The following SNX18 variants were observed in gnomAD, a reference collection of about 807,000 sequenced individuals.
The protein encoded by SNX18 is sorting nexin-18.
A neutral mutation model predicts 48.7 loss-of-function variants in SNX18; 35 were observed. That is an observed-to-expected ratio of 0.72 (90% confidence interval 0.55 to 0.95). SNX18 has a LOEUF of 0.95. SNX18 is among the 40% of genes least tolerant of loss of function. The pLI is 0.00. For missense variants in SNX18, 824 were observed against 871.0 expected, an observed-to-expected ratio of 0.95 and a Z score of 0.68; for synonymous variants, 492 against 384.7, an observed-to-expected ratio of 1.28 and a Z score of -3.26.
At chr5:54,606,252 T>G in the SNX18 span, among the ~76,000 whole-genome samples, 1 of 152,256 alleles carries the variant, frequency 6.6e-6, no homozygotes, top group Non-Finnish European at 1.5e-5. Context: ...TGTGAATGAC[T>G]GAATTGTAAA....
chr5:54,519,448 C>T lies in SNX18; in HGVS notation c.1496C>T (p.Ala499Val), dbSNP rs376723402. The change falls in exon 1 of 2, where the codon GCC becomes GTC. Residue 499 changes from alanine (A) to valine (V), a missense_variant. Ala to Val is a moderately conservative substitution (Grantham distance 64, BLOSUM62 0). This residue lies in a region of SNX18 where 443 missense variants were observed against 503.6 expected (regional missense o/e 0.88). Coordinates refer to ENST00000381410, the MANE Select transcript of SNX18 (RefSeq NM_001102575.2). ...LNQAIAFTGD[A>V]YDAIGELFAE... ...CAGGCTATCGCCTTCACCGGAGATG[C>T]CTATGACGCCATTGGCGAGCTCTTC... 1.4e-5 allele frequency: 23 copies of T among 1,614,058 alleles called. No homozygotes were observed. The highest frequency in any genetic ancestry group is 1.9e-5 in the Non-Finnish European group (22 of 1,180,050).
At chr5:54,589,503 C>T in the SNX18 span, among the ~76,000 whole-genome samples, 11 of 152,066 alleles carry the variant, frequency 7.2e-5, no homozygotes, top group Non-Finnish European at 1.5e-4. Flanking sequence ...TTTGGTTGCA[C>T]GATAGGTTGA....
chr5:54,588,704 AACCTTGGGATCAC>A, the SNX18 span, among the ~76,000 whole-genome samples: 1 of 152,134 alleles, frequency 6.6e-6, no homozygotes, highest in African/African-American at 2.4e-5. Context: ...CACCTTCTCA[AACCTTGGGATCAC>A]ATTGGGTAAC....
At chr5:54,550,558 G>T (rs534540581), downstream of SNX18, among the ~76,000 whole-genome samples, 2 of 152,188 alleles carry the variant, frequency 1.3e-5, no homozygotes, top group Admixed American at 1.3e-4. Context: ...AAAACAAAGC[G>T]AATGTGTTTG....
At chr5:54,596,998 T>C in the SNX18 span, among the ~76,000 whole-genome samples, 1 of 152,152 alleles carries the variant, frequency 6.6e-6, no homozygotes, top group African/African-American at 2.4e-5. Flanking sequence ...GTGTGTTATA[T>C]TCAAGAGACC....
At position 54,518,607 on chromosome 5, in the gene SNX18, C is replaced by A. The variant is rs761300441; in HGVS notation, c.655C>A (p.Pro219Thr). 1.3e-6 allele frequency: 2 copies of A among 1,572,814 alleles called. No individual in the cohort carries two copies. Among genetic ancestry groups the A allele is most frequent in the Non-Finnish European group, 1.7e-6 (2 of 1,160,058 alleles). Residue 219 changes from proline to threonine, a missense_variant, in exon 1 of 2, where the codon CCC becomes ACC. This residue lies in a region of SNX18 where 377 missense variants were observed against 350.6 expected (regional missense o/e 1.08). Coordinates refer to ENST00000381410, the MANE Select transcript of SNX18 (RefSeq NM_001102575.2). ...SVPPQHHPSGPKSSATVSRNL... is the reference protein window; with the variant it reads ...SVPPQHHPSGTKSSATVSRNL... ...CCCCCCGCAGCACCACCCGTCGGGG[C>A]CCAAGAGCTCGGCCACCGTGAGCCG...
At chr5:54,527,358 C>CG (rs11355195) in intron 1 of SNX18, among the ~76,000 whole-genome samples, 12,791 of 139,246 alleles carry the variant, frequency 0.092, 934 homozygotes, top group South Asian at 0.15. Context: ...GTCGGGGAGC[C>CG]GGGGGGGGGG....
chr5:54,548,022 C>G (rs1444995445), downstream of SNX18, among the ~76,000 whole-genome samples: 1 of 152,168 alleles, frequency 6.6e-6, no homozygotes, highest in Non-Finnish European at 1.5e-5. Flanking sequence ...CCAGAAAAAC[C>G]CAGCAGTGGA....
chr5:54,587,739 A>G, the SNX18 span, among the ~76,000 whole-genome samples: 1 of 152,164 alleles, frequency 6.6e-6, no homozygotes, highest in Non-Finnish European at 1.5e-5. Context: ...GTACAGCACC[A>G]TTGCTTTCAA....
chr5:54,575,897 TG>T, the SNX18 span, among the ~76,000 whole-genome samples: 1 of 152,206 alleles, frequency 6.6e-6, no homozygotes, highest in South Asian at 2.1e-4. Context: ...CCAGACCCTT[TG>T]TCTTCTTATT....
the SNX18 span, among the ~76,000 whole-genome samples, chr5:54,613,940 C>G: frequency 2.0e-5 from 3 of 152,188 alleles, no homozygotes; most frequent in Non-Finnish European, 4.4e-5. Context: ...GGTGATCTGC[C>G]TGCCTCGGCC....
At chr5:54,622,138 T>C in the SNX18 span, among the ~76,000 whole-genome samples, 1 of 152,384 alleles carries the variant, frequency 6.6e-6, no homozygotes, top group Non-Finnish European at 1.5e-5. Flanking sequence ...AATATTTTGC[T>C]ATTTACATAG....
chr5:54,580,478 C>A, the SNX18 span, among the ~76,000 whole-genome samples: 1 of 152,124 alleles, frequency 6.6e-6, no homozygotes, highest in African/African-American at 2.4e-5. Flanking sequence ...CCAAGAAGTT[C>A]TAGCCCTAAG....
At chr5:54,564,197 C>T in the SNX18 span, among the ~76,000 whole-genome samples, 3 of 151,846 alleles carry the variant, frequency 2.0e-5, no homozygotes, top group Admixed American at 6.6e-5. Context: ...ACCTGTGAGG[C>T]GGAGGTTGCA....
chr5:54,564,842 A>AGG, the SNX18 span, among the ~76,000 whole-genome samples: 1 of 152,240 alleles, frequency 6.6e-6, no homozygotes, highest in East Asian at 1.9e-4. Context: ...TAGGCAACAG[A>AGG]GAGACTCCGT....
chr5:54,519,135 A>T lies in SNX18; in HGVS notation c.1183A>T (p.Arg395Trp). 1 of 1,614,106 alleles carries T rather than the reference A, an allele frequency of 6.2e-7. No individual in the cohort carries two copies. Among genetic ancestry groups the T allele is most frequent in the Non-Finnish European group, 8.5e-7 (1 of 1,179,990 alleles). Residue 395 changes from arginine to tryptophan, a missense_variant, in exon 1 of 2, where the codon AGG (arginine) becomes TGG (tryptophan). By Grantham distance (101) the Arg-to-Trp change is moderately radical. Transcript: ENST00000381410. Reference sequence around the variant, plus strand: ...CGAGAAAGCCTGGAAGCAGGGCAAGAGGAAGGCCGAGAAGGACGAGATGGT... The same window carrying T: ...CGAGAAAGCCTGGAAGCAGGGCAAGTGGAAGGCCGAGAAGGACGAGATGGT... The part of the protein sequence containing the change: ...TDEKAWKQGK[R>W]KAEKDEMVGA...
chr5:54,550,111 A>T (rs893897882), downstream of SNX18, among the ~76,000 whole-genome samples: 5 of 152,220 alleles, frequency 3.3e-5, no homozygotes, highest in African/African-American at 1.2e-4. Flanking sequence ...GTCACTTTTT[A>T]AAAAATTACT....
the SNX18 span, among the ~76,000 whole-genome samples, chr5:54,642,550 G>A: frequency 6.6e-6 from 1 of 152,202 alleles, no homozygotes; most frequent in Non-Finnish European, 1.5e-5. Flanking sequence ...CTGGCAGTGA[G>A]CTGATGTTCA....
downstream of SNX18, among the ~76,000 whole-genome samples, chr5:54,546,976 G>A (rs1044335629): frequency 1.3e-5 from 2 of 152,222 alleles, no homozygotes; most frequent in African/African-American, 4.8e-5. Flanking sequence ...TAATAGCTAC[G>A]GGACCTGGCA....
Sources: gnomAD v4.1 joint callset for allele counts (sites outside exome capture counted in the v4.1 genomes callset) on GRCh38, gnomAD v4.1.1 for gene constraint, gnomAD v4.1.1 regional missense constraint, MANE v1.5 for transcripts, NCBI Gene and HGNC (gene_info 2026-07-23, HGNC 2026-07-21) for gene names.